Variants in LRMDA observed in about 807,000 individuals in gnomAD.
LRMDA encodes leucine rich melanocyte differentiation associated.
LRMDA carries 18 observed loss-of-function variants against 29.8 expected under a neutral mutation model. That is an observed-to-expected ratio of 0.60 (90% CI 0.42 to 0.90). The LOEUF (loss-of-function observed/expected upper bound fraction) is 0.90, where lower values mean the gene tolerates loss of function less well. Among genes scored for constraint, LRMDA ranks in the 40% least tolerant of loss-of-function variants. LRMDA has a pLI of 0.00. For synonymous variants in LRMDA, 125 were observed against 109.4 expected (o/e 1.14, Z -0.89); for missense variants, 273 against 273.9 (o/e 1.00, Z 0.02).
chr10:76,254,364 CTATGCTATGCTATGCTATG>C (rs1852549147), intron 5 of LRMDA, among the ~76,000 whole-genome samples: 2 of 132,884 alleles, frequency 1.5e-5, no homozygotes, highest in African/African-American at 2.7e-5. Context: ...CTATCCTATG[CTATGCTATGCTATGCTATG>C]CTATGCTATG....
At chr10:76,029,472 CATGATCAG>C (rs1848114516) in intron 2 of LRMDA, among the ~76,000 whole-genome samples, 2 of 152,090 alleles carry the variant, frequency 1.3e-5, no homozygotes, top group Non-Finnish European at 1.5e-5. Context: ...AAAAAGATAA[CATGATCAG>C]ATACATTATT....
chr10:76,513,200 C>T (rs1362849498), intron 6 of LRMDA, among the ~76,000 whole-genome samples: 1 of 152,178 alleles, frequency 6.6e-6, no homozygotes, highest in East Asian at 1.9e-4. Context: ...ATTTGAGCCA[C>T]AGAATTAGTT....
intron 6 of LRMDA, among the ~76,000 whole-genome samples, chr10:76,387,275 A>G (rs1016265070): frequency 6.6e-6 from 1 of 152,206 alleles, no homozygotes; most frequent in African/African-American, 2.4e-5. Flanking sequence ...AAAACAGCCT[A>G]AATATTTAAC....
At chr10:75,965,389 TA>T (rs1226959503) in intron 2 of LRMDA, among the ~76,000 whole-genome samples, 1 of 152,240 alleles carries the variant, frequency 6.6e-6, no homozygotes, top group Non-Finnish European at 1.5e-5. Context: ...TTTGGATTCA[TA>T]ACCATTTGAA....
chr10:76,351,128 C>G (rs1000230693), intron 6 of LRMDA, among the ~76,000 whole-genome samples: 2 of 151,930 alleles, frequency 1.3e-5, no homozygotes, highest in African/African-American at 4.8e-5. Context: ...GGCACCAGCA[C>G]TTATTGATGC....
At chr10:75,624,411 G>A (rs180759241) in intron 2 of LRMDA, among the ~76,000 whole-genome samples, 2 of 152,290 alleles carry the variant, frequency 1.3e-5, no homozygotes, top group South Asian at 2.1e-4. Flanking sequence ...GTAAAATGCT[G>A]TGATAGAGAA....
At chr10:76,469,142 TC>T (rs948677808) in intron 6 of LRMDA, among the ~76,000 whole-genome samples, 14 of 152,276 alleles carry the variant, frequency 9.2e-5, no homozygotes, top group Admixed American at 5.9e-4. Context: ...CATGACCTGT[TC>T]CTTTCCTCCT....
At chr10:75,758,611 A>T (rs1033494680) in intron 2 of LRMDA, among the ~76,000 whole-genome samples, 1 of 152,146 alleles carries the variant, frequency 6.6e-6, no homozygotes, top group African/African-American at 2.4e-5. Flanking sequence ...CACACCCCTC[A>T]TGTGTTTGTG....
chr10:76,260,058 G>A (rs143351993), intron 5 of LRMDA, among the ~76,000 whole-genome samples: 441 of 151,826 alleles, frequency 2.9e-3, no homozygotes, highest in African/African-American at 9.6e-3. Flanking sequence ...TTTAATTGGA[G>A]AATTTAATCC....
chr10:75,925,810 G>A (rs533751127), intron 2 of LRMDA, among the ~76,000 whole-genome samples: 6 of 152,072 alleles, frequency 3.9e-5, no homozygotes, highest in African/African-American at 1.4e-4. Flanking sequence ...CTGCCAGCAT[G>A]CTTGGCTAGT....
intron 2 of LRMDA, among the ~76,000 whole-genome samples, chr10:75,987,322 T>C (rs1198874012): frequency 1.3e-5 from 2 of 152,210 alleles, no homozygotes; most frequent in Admixed American, 1.3e-4. Context: ...GCACTAATGA[T>C]ATTTTGAACC....
At chr10:75,841,026 G>A (rs1844531454) in intron 2 of LRMDA, among the ~76,000 whole-genome samples, 1 of 152,170 alleles carries the variant, frequency 6.6e-6, no homozygotes, top group Non-Finnish European at 1.5e-5. Context: ...CATTGCCAGG[G>A]CTTTGTGACA....
intron 6 of LRMDA, among the ~76,000 whole-genome samples, chr10:76,543,896 G>T (rs980279592): frequency 6.6e-6 from 1 of 152,058 alleles, no homozygotes; most frequent in Non-Finnish European, 1.5e-5. Context: ...CAGCTTCCTG[G>T]AGTCCTGAGC....
chr10:75,970,037 G>T (rs561865211), intron 2 of LRMDA, among the ~76,000 whole-genome samples: 1 of 152,310 alleles, frequency 6.6e-6, no homozygotes, highest in South Asian at 2.1e-4. Context: ...TCATGTGGCT[G>T]GTTTGACCTT....
intron 2 of LRMDA, among the ~76,000 whole-genome samples, chr10:75,596,123 C>T (rs1330447627): frequency 1.3e-5 from 2 of 152,120 alleles, no homozygotes; most frequent in Admixed American, 1.3e-4. Flanking sequence ...TTACTGTAAA[C>T]TTAAATTTTT....
At chr10:75,745,018 C>T in intron 2 of LRMDA, among the ~76,000 whole-genome samples, 1 of 152,222 alleles carries the variant, frequency 6.6e-6, no homozygotes. Context: ...CAACTCTGCT[C>T]ACACTGTTCC....
intron 2 of LRMDA, among the ~76,000 whole-genome samples, chr10:75,993,059 G>T (rs1422703183): frequency 6.6e-6 from 1 of 152,148 alleles, no homozygotes; most frequent in Non-Finnish European, 1.5e-5. Flanking sequence ...CTGGTGGAAG[G>T]GCTCCCTCTC....
rs547952246 is a variant in LRMDA, at chr10:75,617,523, A to G, written c.131+179029A>G. On this transcript the variant is annotated intron_variant, in intron 2 of 6. Transcript: ENST00000611255. Reference sequence around the variant, plus strand: ...CTTTTATTATGCTGCTCTCCTTCTCATGAAACATTCAGTGGCTCCCACCGA... The same window carrying G: ...CTTTTATTATGCTGCTCTCCTTCTCGTGAAACATTCAGTGGCTCCCACCGA... Among the ~76,000 whole-genome samples the G allele has an allele frequency of 1.2e-4, 18 of 152,134 alleles. No homozygotes were observed. The South Asian group carries it at 2.9e-3, about 25-fold the overall frequency.
At chr10:75,914,243 T>C (rs1038663665) in intron 2 of LRMDA, among the ~76,000 whole-genome samples, 1 of 152,200 alleles carries the variant, frequency 6.6e-6, no homozygotes, top group Admixed American at 6.5e-5. Context: ...TTTTCCCCAC[T>C]GTTATTTGGT....
Sources: gnomAD v4.1 joint callset for allele counts (sites outside exome capture counted in the v4.1 genomes callset) on GRCh38, gnomAD v4.1.1 for gene constraint, MANE v1.5 for transcripts, NCBI Gene and HGNC (gene_info 2026-07-23, HGNC 2026-07-21) for gene names.